The following DCLK1 variants were observed in gnomAD, a reference collection of about 807,000 sequenced individuals.
DCLK1 encodes the protein serine/threonine-protein kinase DCLK1.
DCLK1 carries 16 observed loss-of-function variants against 86.2 expected under a neutral mutation model. That is an observed-to-expected ratio of 0.19 (90% CI 0.13 to 0.28). DCLK1 has a LOEUF of 0.28. DCLK1 is among the 10% of genes least tolerant of loss of function. The pLI is 1.00. For synonymous variants in DCLK1, 369 were observed against 370.5 expected (o/e 1.00, Z 0.05); for missense variants, 590 against 940.2 (o/e 0.63, Z 4.87).
At chr13:35,881,005 G>T (rs188772549) in intron 4 of DCLK1, among the ~76,000 whole-genome samples, 114 of 152,206 alleles carry the variant, frequency 7.5e-4, no homozygotes, top group African/African-American at 2.3e-3. Context: ...CTTTACTGAT[G>T]TCTGATCACC....
intron 3 of DCLK1, among the ~76,000 whole-genome samples, chr13:35,981,737 A>G (rs952636366): frequency 6.6e-6 from 1 of 152,224 alleles, no homozygotes; most frequent in African/African-American, 2.4e-5. Flanking sequence ...GTTGTGAATA[A>G]TGCTGCCATG....
chr13:35,996,593 T>C (rs981225070), intron 3 of DCLK1, among the ~76,000 whole-genome samples: 2 of 152,162 alleles, frequency 1.3e-5, no homozygotes, highest in East Asian at 1.9e-4. Flanking sequence ...TCTAGCAGAT[T>C]TGAACTGCAA....
At chr13:35,793,757 T>G (rs546486874) in intron 15 of DCLK1, among the ~76,000 whole-genome samples, 29 of 152,282 alleles carry the variant, frequency 1.9e-4, no homozygotes, top group Non-Finnish European at 3.7e-4. Flanking sequence ...TGGTTTCTAA[T>G]AAAATCTATT....
chr13:36,028,316 T>C (rs1882125208), intron 3 of DCLK1, among the ~76,000 whole-genome samples: 2 of 152,210 alleles, frequency 1.3e-5, no homozygotes, highest in Non-Finnish European at 2.9e-5. Context: ...GATTCTGTTA[T>C]GATTTTCCAA....
intron 3 of DCLK1, among the ~76,000 whole-genome samples, chr13:35,955,640 T>C (rs905428159): frequency 2.0e-5 from 3 of 152,196 alleles, no homozygotes; most frequent in Non-Finnish European, 4.4e-5. Flanking sequence ...TGCCTTGGCT[T>C]GGCCACCTAA....
intron 6 of DCLK1, chr13:35,847,180 A>G: frequency 1.0e-6 from 1 of 968,694 alleles, no homozygotes; most frequent in Non-Finnish European, 1.2e-6. Context: ...AGTTAACACA[A>G]TATTGGATTT....
chr13:35,856,780 T>A (rs1029864032), intron 5 of DCLK1, among the ~76,000 whole-genome samples: 18 of 152,372 alleles, frequency 1.2e-4, no homozygotes, highest in Non-Finnish European at 2.2e-4. Flanking sequence ...CTTTTATATA[T>A]GAACATATAT....
rs7990303 is a variant in DCLK1, at chr13:35,768,717, C to A, written c.*5818G>T. Reference sequence around the variant, plus strand: ...GCCCAGGCAGGAACGTAATATATGACAAGGGACATTTTTGAAATAGCTGTT... The same window carrying A: ...GCCCAGGCAGGAACGTAATATATGAAAAGGGACATTTTTGAAATAGCTGTT... On this transcript the variant is annotated 3_prime_UTR_variant, in exon 17 of 17. Coordinates refer to ENST00000360631, the MANE Select transcript of DCLK1 (RefSeq NM_001330071.2). 150,262 of 152,344 alleles carry A rather than the reference C, an allele frequency of 0.99. 74,137 individuals carry two copies. The highest frequency in any genetic ancestry group is 1 in the Middle Eastern group (294 of 294). 9.4% of individuals were successfully genotyped at this position (152,344 alleles called of 1,614,324 possible). A position where few individuals can be genotyped will look rare whatever the true frequency, so the allele number is the denominator to read the frequency against.
intron 3 of DCLK1, among the ~76,000 whole-genome samples, chr13:35,973,926 G>A (rs913385252): frequency 1.3e-5 from 2 of 152,116 alleles, no homozygotes; most frequent in Non-Finnish European, 2.9e-5. Flanking sequence ...GGCAGGAAAG[G>A]GATGATGTCA....
At chr13:35,965,187 T>C (rs1878666679) in intron 3 of DCLK1, among the ~76,000 whole-genome samples, 5 of 152,182 alleles carry the variant, frequency 3.3e-5, no homozygotes, top group Admixed American at 3.3e-4. Context: ...GAATGTGTCA[T>C]TCATGATGCC....
At chr13:35,814,128 G>A (rs1416477972) in intron 11 of DCLK1, among the ~76,000 whole-genome samples, 6 of 152,082 alleles carry the variant, frequency 3.9e-5, no homozygotes, top group African/African-American at 7.2e-5. Flanking sequence ...CACCTGCTAC[G>A]GCCTGAGCTA....
chr13:35,988,303 C>T (rs1196023540), intron 3 of DCLK1, among the ~76,000 whole-genome samples: 4 of 152,352 alleles, frequency 2.6e-5, no homozygotes, highest in East Asian at 1.9e-4. Flanking sequence ...TTGGCGACAC[C>T]GCGGCCTGAT....
At chr13:35,856,780 T>C (rs1029864032) in intron 5 of DCLK1, among the ~76,000 whole-genome samples, 12 of 152,254 alleles carry the variant, frequency 7.9e-5, no homozygotes, top group African/African-American at 2.7e-4. Flanking sequence ...CTTTTATATA[T>C]GAACATATAT....
chr13:35,805,838 T>G, intron 14 of DCLK1, 59 bp from the exon 15 acceptor site: 2 of 1,477,278 alleles, frequency 1.4e-6, no homozygotes, highest in Non-Finnish European at 1.9e-6. Flanking sequence ...GCTGTATGTG[T>G]GCAAATGCAA....
chr13:36,003,957 A>G (rs1001934661), intron 3 of DCLK1, among the ~76,000 whole-genome samples: 1 of 152,220 alleles, frequency 6.6e-6, no homozygotes, highest in African/African-American at 2.4e-5. Context: ...ATAAAATTTT[A>G]TATCTTTATG....
intron 6 of DCLK1, among the ~76,000 whole-genome samples, chr13:35,844,279 A>C (rs1449251250): frequency 6.6e-6 from 1 of 152,226 alleles, no homozygotes. Flanking sequence ...TTACTCATGA[A>C]GTTGGTTTAC....
rs1374940370 is a variant in DCLK1 at position 35,793,416 on chromosome 13, T to G, written c.2008A>C (p.Asn670His). 1 of 1,610,556 alleles carries G rather than the reference T, an allele frequency of 6.2e-7. No individual in the cohort carries two copies. The highest frequency in any genetic ancestry group is 8.5e-7 in the Non-Finnish European group (1 of 1,178,164). Residue 670 changes from asparagine to histidine, a missense_variant, in exon 16 of 17, where the codon AAC (asparagine) becomes CAC (histidine). By Grantham distance (68) the Asn-to-His change is moderately conservative. Coordinates refer to ENST00000360631, the MANE Select transcript of DCLK1 (RefSeq NM_001330071.2). ...GTGCTATTCGGCTTGGGGCCTGTGT[T>G]GAAATGCTTCTTTATCTTTCCAGCT... ...SVAGKIKKHF[N>H]TGPKPNSTAA...
intron 3 of DCLK1, among the ~76,000 whole-genome samples, chr13:35,970,021 G>GT (rs537736633): frequency 1.3e-5 from 2 of 151,972 alleles, no homozygotes; most frequent in Admixed American, 1.3e-4. Context: ...ATAAATTTCT[G>GT]TTTTTTATAA....
intron 5 of DCLK1, among the ~76,000 whole-genome samples, chr13:35,862,184 T>C (rs908644438): frequency 2.6e-5 from 4 of 152,160 alleles, no homozygotes; most frequent in African/African-American, 7.2e-5. Flanking sequence ...GTCTCCCAAA[T>C]ATATATTGTT....
Sources: gnomAD v4.1 joint callset for allele counts (sites outside exome capture counted in the v4.1 genomes callset) on GRCh38, gnomAD v4.1.1 for gene constraint, MANE v1.5 for transcripts, NCBI Gene and HGNC (gene_info 2026-07-23, HGNC 2026-07-21) for gene names.